Variants in PTPRS observed in about 807,000 individuals in gnomAD.
The protein encoded by PTPRS is receptor-type tyrosine-protein phosphatase S.
PTPRS carries 63 observed loss-of-function variants against 215.3 expected under a neutral mutation model. The ratio of observed to expected loss-of-function variants is 0.29; its 90% CI spans 0.24 to 0.36. PTPRS has a LOEUF of 0.36. Ranked by LOEUF, PTPRS falls within the 10% of genes least tolerant of loss-of-function variation. The pLI, the probability that PTPRS is intolerant of heterozygous loss-of-function variation, is 1.00. For missense variants in PTPRS, 2,258 were observed against 2,825.8 expected (o/e 0.80, Z 4.56); for synonymous variants, 1,404 against 1,191.4 (o/e 1.18, Z -3.68).
At chr19:5,267,830 AG>A (rs1267857254) in intron 4 of PTPRS, among the ~76,000 whole-genome samples, 1 of 148,714 alleles carries the variant, frequency 6.7e-6, no homozygotes, top group African/African-American at 2.5e-5. Context: ...GCTGGAGTGG[AG>A]GGGGTAAAGG....
intron 1 of PTPRS, among the ~76,000 whole-genome samples, chr19:5,311,998 C>T (rs1162460404): frequency 2.6e-5 from 4 of 151,542 alleles, no homozygotes; most frequent in East Asian, 2.0e-4. Context: ...CGAGATCGTG[C>T]GCCACTGCAT....
At chr19:5,331,154 A>G (rs1345656360) in intron 1 of PTPRS, among the ~76,000 whole-genome samples, 1 of 147,234 alleles carries the variant, frequency 6.8e-6, no homozygotes, top group East Asian at 2.0e-4. Context: ...AAAAAAAGAG[A>G]AGGCCTTGCT....
At chr19:5,222,642 G>GGGGGGC in intron 18 of PTPRS, 47 bp downstream of exon 18, 4 of 1,369,316 alleles carry the variant, frequency 2.9e-6, no homozygotes, top group Non-Finnish European at 3.9e-6. Flanking sequence ...GTGGGGGTGG[G>GGGGGGC]CGCAAGGCCC....
chr19:5,251,484 TC>T (rs1486316548), intron 9 of PTPRS, among the ~76,000 whole-genome samples: 3 of 150,972 alleles, frequency 2.0e-5, no homozygotes, highest in Non-Finnish European at 4.4e-5. Flanking sequence ...TTTTTGTTTT[TC>T]CCCCAGTTCT....
At position 5,246,041 on chromosome 19, in the gene PTPRS, G is replaced by A. The variant is rs748593468; in HGVS notation, c.723C>T (p.Arg241=). ...NLYVRELREV[R]RVAPRFSILP... is the part of the protein sequence containing the mutation. ...GGATGGAGAAGCGCGGGGCCACGCG[G>A]CGGACTGGGGAGGGGGCGGCAGTGG... The change falls in exon 10 of 38, where the codon CGC becomes CGT. Residue 241 remains arginine, a synonymous_variant. Coordinates refer to ENST00000262963, the MANE Select transcript of PTPRS (RefSeq NM_002850.4). The A allele has an allele frequency of 6.7e-7, 1 of 1,487,284 alleles. No individual in the cohort carries two copies. The highest frequency in any genetic ancestry group is 9.0e-7 in the Non-Finnish European group (1 of 1,112,588). 92.1% of individuals were successfully genotyped at this position (1,487,284 alleles called of 1,614,324 possible).
rs1159160373 is a variant in PTPRS at position 5,287,957 on chromosome 19, G to C, written c.-94-1723C>G. 7.7e-6 allele frequency among the ~76,000 whole-genome samples: 1 copy of C among 129,110 alleles called. No homozygotes were observed. Among genetic ancestry groups the C allele is most frequent in the Non-Finnish European group, 1.6e-5 (1 of 62,320 alleles). The allele number at this position is 129,110 out of a possible 152,430, so 84.7% of individuals were successfully genotyped here. A position where few individuals can be genotyped will look rare whatever the true frequency, so the allele number is the denominator to read the frequency against. ...AATGCATTCACACAGTCAGGCAGCA[G>C]AGACGGGCACACACACACACACACA... On this transcript the variant is annotated intron_variant, in intron 1 of 37. Coordinates refer to ENST00000262963, the MANE Select transcript of PTPRS (RefSeq NM_002850.4). The surrounding 1 kb of genome is among the most constrained non-coding windows in gnomAD (Gnocchi z 4.8).
intron 1 of PTPRS, among the ~76,000 whole-genome samples, chr19:5,300,850 A>G (rs1207232551): frequency 6.6e-6 from 1 of 152,106 alleles, no homozygotes; most frequent in Non-Finnish European, 1.5e-5. Context: ...AAAAATATAG[A>G]CATGAAAGAG....
intron 13 of PTPRS, among the ~76,000 whole-genome samples, chr19:5,231,979 C>A (rs1265413428): frequency 6.6e-6 from 1 of 152,234 alleles, no homozygotes; most frequent in Admixed American, 6.5e-5. Context: ...CTACTATGTG[C>A]TTGGCATCGT....
intron 21 of PTPRS, 25 bp downstream of exon 21, chr19:5,220,235 T>C: frequency 6.2e-7 from 1 of 1,610,864 alleles, no homozygotes; most frequent in Non-Finnish European, 8.5e-7. Context: ...ATCTGGGCCC[T>C]GCGGGTTGGG....
At chr19:5,212,687 T>C (rs756445905) in intron 30 of PTPRS, among the ~76,000 whole-genome samples, 196 bp from the exon 31 acceptor site, 15 of 152,106 alleles carry the variant, frequency 9.9e-5, no homozygotes, top group Non-Finnish European at 1.3e-4. Flanking sequence ...CAACTAAAAA[T>C]ACAAAATTAG....
At chr19:5,332,277 A>T (rs2050352039) in intron 1 of PTPRS, among the ~76,000 whole-genome samples, 1 of 152,010 alleles carries the variant, frequency 6.6e-6, no homozygotes, top group African/African-American at 2.4e-5. Context: ...ACAGGTATGC[A>T]CCACCATGCC....
At chr19:5,326,789 AGGAG>A (rs10530954) in intron 1 of PTPRS, among the ~76,000 whole-genome samples, 110,968 of 145,348 alleles carry the variant, frequency 0.76, 43,317 homozygotes, top group African/African-American at 0.94. Flanking sequence ...GAAGGAAGGA[AGGAG>A]GGAGGGAGGG....
chr19:5,238,779 C>T lies in PTPRS; in HGVS notation c.1849+140G>A, dbSNP rs1032899724. On this transcript the variant is annotated intron_variant, in intron 13 of 37. Coordinates refer to ENST00000262963, the MANE Select transcript of PTPRS (RefSeq NM_002850.4). ...CAGCGCGGGTAGATGGATCCGAGGT[C>T]GGGGAACAAAGCGGAGACAGGCCGG... 2.4e-5 allele frequency: 29 copies of T among 1,202,204 alleles called. No homozygotes were observed. In the South Asian group the frequency reaches 2.5e-4, roughly 10 times the overall value. 74.5% of individuals were successfully genotyped at this position (1,202,204 alleles called of 1,614,324 possible).
intron 4 of PTPRS, chr19:5,272,915 G>A (rs945011890): frequency 2.4e-5 from 4 of 163,650 alleles, no homozygotes; most frequent in African/African-American, 9.6e-5. Flanking sequence ...TAGGAGTCTA[G>A]CCAATCAGAG....
At chr19:5,230,961 G>A (rs575899026) in intron 14 of PTPRS, among the ~76,000 whole-genome samples, 1 of 152,322 alleles carries the variant, frequency 6.6e-6, no homozygotes, top group East Asian at 1.9e-4. Context: ...CACCCGGGGA[G>A]CTGGTTAACC....
At chr19:5,235,596 T>C (rs2043376673) in intron 13 of PTPRS, among the ~76,000 whole-genome samples, 1 of 152,200 alleles carries the variant, frequency 6.6e-6, no homozygotes, top group Non-Finnish European at 1.5e-5. Context: ...GCCAAGAGGT[T>C]TGCAGAACAA....
intron 13 of PTPRS, among the ~76,000 whole-genome samples, chr19:5,238,222 G>C (rs1481211124): frequency 6.6e-6 from 1 of 152,154 alleles, no homozygotes; most frequent in African/African-American, 2.4e-5. Context: ...GTCAGGGAGA[G>C]AGGGTGGCGG....
Position 5,238,979 on chromosome 19 carries a change from G to C in PTPRS, c.1789C>G (p.Arg597Gly). ...NTEYAFRLAA[R>G]SPQGLGAFTP... ...AAGGCGCCCAGGCCCTGCGGCGAGC[G>C]GGCCGCCAGGCGGAAGGCGTACTCC... Residue 597 changes from arginine to glycine, a missense_variant, in exon 13 of 38, where the codon CGC becomes GGC. Transcript: ENST00000262963. 1 of 1,613,038 alleles carries C rather than the reference G, an allele frequency of 6.2e-7. No individual in the cohort carries two copies. The highest frequency in any genetic ancestry group is 8.5e-7 in the Non-Finnish European group (1 of 1,179,714).
intron 1 of PTPRS, among the ~76,000 whole-genome samples, chr19:5,318,383 G>C (rs1004122361): frequency 2.6e-5 from 4 of 151,970 alleles, no homozygotes; most frequent in Non-Finnish European, 4.4e-5. Context: ...TGATGACCGT[G>C]AAATGCTGCG....
Sources: gnomAD v4.1 joint callset for allele counts (sites outside exome capture counted in the v4.1 genomes callset) on GRCh38, gnomAD v4.1.1 for gene constraint, Gnocchi (gnomAD v3.1) non-coding constraint, MANE v1.5 for transcripts, NCBI Gene and HGNC (gene_info 2026-07-23, HGNC 2026-07-21) for gene names.